TANC1: variants seen among roughly 807,000 people sequenced by gnomAD.
TANC1 encodes protein TANC1.
TANC1 carries 77 observed loss-of-function variants against 149.7 expected under a neutral mutation model. The observed-to-expected ratio is 0.51, with a 90% CI of 0.43 to 0.62. TANC1 has a LOEUF of 0.62. Among genes scored for constraint, TANC1 ranks in the 20% least tolerant of loss-of-function variants. The pLI is 0.00. For synonymous variants in TANC1, 854 were observed against 925.0 expected, an observed-to-expected ratio of 0.92 and a Z score of 1.39; for missense variants, 1,985 against 2,321.8, an observed-to-expected ratio of 0.85 and a Z score of 2.98.
chr2:158,989,053 C>G (rs1047874783), intron 1 of TANC1, among the ~76,000 whole-genome samples: 15 of 152,182 alleles, frequency 9.9e-5, no homozygotes, highest in Non-Finnish European at 1.6e-4. Context: ...CCATAACTGA[C>G]AGTGTTCACA....
At chr2:159,155,488 A>G (rs1488090923) in intron 7 of TANC1, among the ~76,000 whole-genome samples, 2 of 152,202 alleles carry the variant, frequency 1.3e-5, no homozygotes, top group African/African-American at 2.4e-5. Context: ...GGACAGTTCC[A>G]TGAAGGGAGG....
At chr2:159,020,810 A>G (rs551138298) in intron 2 of TANC1, among the ~76,000 whole-genome samples, 35 of 152,220 alleles carry the variant, frequency 2.3e-4, no homozygotes, top group African/African-American at 8.2e-4. Context: ...GGACACACAC[A>G]TCTGTTGAGT....
intron 4 of TANC1, among the ~76,000 whole-genome samples, chr2:159,124,776 A>G (rs568374361): frequency 1.9e-4 from 29 of 151,062 alleles, no homozygotes; most frequent in African/African-American, 7.1e-4. Flanking sequence ...GCCTCATTTT[A>G]TCACCCAGAC....
At chr2:159,141,845 G>A (rs1055803313) in intron 5 of TANC1, among the ~76,000 whole-genome samples, 1 of 152,174 alleles carries the variant, frequency 6.6e-6, no homozygotes, top group African/African-American at 2.4e-5. Flanking sequence ...CAAGACCACA[G>A]TATTCTGGTA....
intron 19 of TANC1, among the ~76,000 whole-genome samples, chr2:159,202,511 A>G (rs1265795613): frequency 3.9e-5 from 6 of 152,048 alleles, no homozygotes; most frequent in Admixed American, 1.3e-4. Flanking sequence ...TGTCTGTCCA[A>G]TGTTTAGGGA....
At chr2:159,057,437 G>A (rs62172863) in intron 2 of TANC1, among the ~76,000 whole-genome samples, 10,032 of 152,238 alleles carry the variant, frequency 0.066, 515 homozygotes, top group East Asian at 0.16. Flanking sequence ...ACAGATGTAT[G>A]TCGAATGAAA....
intron 1 of TANC1, among the ~76,000 whole-genome samples, chr2:158,984,285 T>TC (rs2034758584): frequency 6.6e-6 from 1 of 152,096 alleles, no homozygotes; most frequent in South Asian, 2.1e-4. Context: ...GGGTGTTAGT[T>TC]CCCCCTTCCA....
chr2:158,976,236 T>A (rs761478339), intron 1 of TANC1, among the ~76,000 whole-genome samples: 85 of 152,316 alleles, frequency 5.6e-4, no homozygotes, highest in Non-Finnish European at 9.7e-4. Context: ...ATTAAGCTTT[T>A]AAAATATTTA....
rs567425105 is a variant in TANC1, at chr2:159,230,249, G to T, written c.4823G>T (p.Arg1608Leu). ...CGGCTGGGCCCCAGCCAGAATGTCC[G>T]CCTGCAGTGTGGTGAGAATGGCCCT... ...GDRLGPSQNV[R>L]LQCGENGPAH... is the part of the protein sequence containing the mutation. The change falls in exon 27 of 27, where the codon CGC (arginine) becomes CTC (leucine). Residue 1608 changes from arginine (R) to leucine (L), a missense_variant. By Grantham distance (102) the Arg-to-Leu change is moderately radical. Coordinates refer to ENST00000263635, the MANE Select transcript of TANC1 (RefSeq NM_033394.3). This position sits in a 1 kb window ranked among gnomAD's most constrained non-coding sequence, Gnocchi z 4.4. The T allele has an allele frequency of 6.2e-7, 1 of 1,613,988 alleles. No homozygotes were observed. The highest frequency in any genetic ancestry group is 1.3e-5 in the African/African-American group (1 of 75,064).
chr2:159,191,764 T>C (rs1477730502), intron 16 of TANC1, among the ~76,000 whole-genome samples: 1 of 152,222 alleles, frequency 6.6e-6, no homozygotes, highest in Admixed American at 6.5e-5. Flanking sequence ...CTTGTGGACA[T>C]CTATCACTGA....
chr2:159,221,770 A>G (rs151145638), intron 22 of TANC1, among the ~76,000 whole-genome samples: 202 of 152,360 alleles, frequency 1.3e-3, no homozygotes, highest in African/African-American at 4.6e-3. Context: ...TTTGGGCACT[A>G]TCTTTATCTC....
intron 2 of TANC1, among the ~76,000 whole-genome samples, chr2:159,017,169 G>T (rs1395130246): frequency 2.0e-5 from 3 of 152,174 alleles, no homozygotes; most frequent in Non-Finnish European, 4.4e-5. Context: ...AGGGGAAAAT[G>T]ATCAGTGTTT....
chr2:159,078,496 A>G (rs945602477), intron 3 of TANC1, among the ~76,000 whole-genome samples: 8 of 152,224 alleles, frequency 5.3e-5, no homozygotes, highest in South Asian at 2.1e-4. Context: ...CTGTAAATTC[A>G]CTGTTGAAAA....
intron 5 of TANC1, among the ~76,000 whole-genome samples, chr2:159,141,086 A>G (rs1380584586): frequency 6.6e-6 from 1 of 152,250 alleles, no homozygotes; most frequent in African/African-American, 2.4e-5. Flanking sequence ...CAAAAATACC[A>G]TAAACTGAGT....
intron 16 of TANC1, among the ~76,000 whole-genome samples, chr2:159,190,829 G>A (rs2057385197): frequency 6.6e-6 from 1 of 152,234 alleles, no homozygotes; most frequent in Non-Finnish European, 1.5e-5. Flanking sequence ...TGGGATTACA[G>A]GCGTGAGCCA....
chr2:159,180,711 T>C (rs573399890), intron 14 of TANC1, among the ~76,000 whole-genome samples: 1 of 152,324 alleles, frequency 6.6e-6, no homozygotes, highest in African/African-American at 2.4e-5. Flanking sequence ...CTTCATTCAA[T>C]TGAGAGGATA....
At chr2:159,207,653 C>T (rs925509734) in intron 19 of TANC1, among the ~76,000 whole-genome samples, 7 of 133,470 alleles carry the variant, frequency 5.2e-5, no homozygotes, top group Non-Finnish European at 7.8e-5. Flanking sequence ...GAGCCGAGAT[C>T]GCGCCACTGT....
chr2:159,227,758 G>A (rs1184241409), intron 24 of TANC1, 61 bp from the exon 25 acceptor site: 5 of 1,580,302 alleles, frequency 3.2e-6, no homozygotes, highest in Non-Finnish European at 3.5e-6. Context: ...TTCCAGGTGT[G>A]GGAGTTATTC....
Position 159,231,956 on chromosome 2 carries a change from TATTA to T in TANC1, c.*946_*949del. 2 of 152,704 alleles carry T rather than the reference TATTA, an allele frequency of 1.3e-5. No individual in the cohort carries two copies. Among genetic ancestry groups the T allele is most frequent in the East Asian group, 3.9e-4 (2 of 5,186 alleles). 9.5% of individuals were successfully genotyped at this position (152,704 alleles called of 1,614,324 possible). A position where few individuals can be genotyped will look rare whatever the true frequency, so the allele number is the denominator to read the frequency against. On this transcript the variant is annotated 3_prime_UTR_variant, in exon 27 of 27. Transcript: ENST00000263635. The stretch of plus-strand genomic sequence containing the variant: ...GTACTTTATAGTCACATGTTGTATA[TATTA>T]AATAGCCCAGTTTTATTCAGACTTG...
Sources: gnomAD v4.1 joint callset for allele counts (sites outside exome capture counted in the v4.1 genomes callset) on GRCh38, gnomAD v4.1.1 for gene constraint, Gnocchi (gnomAD v3.1) non-coding constraint, MANE v1.5 for transcripts, NCBI Gene and HGNC (gene_info 2026-07-23, HGNC 2026-07-21) for gene names.